The following PAQR3 variants were observed in gnomAD, a reference collection of about 807,000 sequenced individuals.
The protein encoded by PAQR3 is progestin and adipoQ receptor family member 3.
In PAQR3, 39 loss-of-function variants were observed where a neutral mutation model predicts 41.7. That is an observed-to-expected ratio of 0.93 (90% CI 0.72 to 1.22). PAQR3 has a LOEUF of 1.22. PAQR3 is among the 50% of genes most tolerant of loss of function. The pLI, the probability that PAQR3 is intolerant of heterozygous loss-of-function variation, is 0.00. For missense variants in PAQR3, 366 were observed against 385.6 expected (o/e 0.95, Z 0.42); for synonymous variants, 140 against 140.6 (o/e 1.00, Z 0.03).
chr4:78,887,214 C>T lies in PAQR3; in HGVS notation c.*1020G>A, dbSNP rs749783050. The T allele has an allele frequency of 1.1e-5, 17 of 1,611,648 alleles. No homozygotes were observed. In the African/African-American group the frequency reaches 2.0e-4, roughly 19 times the overall value. Reference sequence around the variant, plus strand: ...GAGCATCCTCAGATAAGAATGTAGACTCACTTTCTGCTCCACATAACCATC... The same window carrying T: ...GAGCATCCTCAGATAAGAATGTAGATTCACTTTCTGCTCCACATAACCATC... On this transcript the variant is annotated 3_prime_UTR_variant and NMD_transcript_variant, in exon 13 of 13. Transcript: ENST00000342820.
At chr4:78,921,760 A>G in intron 5 of PAQR3, 1 of 984,252 alleles carries the variant, frequency 1.0e-6, no homozygotes, top group Non-Finnish European at 1.2e-6. Context: ...GTCATACATG[A>G]GGACTTGCCA....
Position 78,923,880 on chromosome 4 carries a change from T to A in PAQR3, c.770A>T (p.Lys257Ile). The A allele has an allele frequency of 6.2e-7, 1 of 1,612,876 alleles. No homozygotes were observed. The highest frequency in any genetic ancestry group is 1.1e-5 in the South Asian group (1 of 91,056). Reference sequence around the variant, plus strand: ...ACCTGGAAAGTACCGCTCTGGGACTTTGGAAATGTAGAATAGGAAAGCAAG... The same window carrying A: ...ACCTGGAAAGTACCGCTCTGGGACTATGGAAATGTAGAATAGGAAAGCAAG... Reference protein sequence around the residue: ...ALLAFLFYISKVPERYFPGQL... With the variant: ...ALLAFLFYISIVPERYFPGQL... The change falls in exon 5 of 6, where the codon AAA (lysine) becomes ATA (isoleucine). Residue 257 changes from lysine to isoleucine, a missense_variant. Lys to Ile is a moderately radical substitution (Grantham distance 102). Transcript: ENST00000512733.
chr4:78,909,087 T>G (rs146508600), downstream of PAQR3, among the ~76,000 whole-genome samples: 1,556 of 142,786 alleles, frequency 0.011, 13 homozygotes, highest in Non-Finnish European at 0.018. Flanking sequence ...TTTGAGACAG[T>G]TCGCTCTTTG....
At chr4:78,929,611 C>T (rs572776575) in intron 3 of PAQR3, among the ~76,000 whole-genome samples, 3 of 152,334 alleles carry the variant, frequency 2.0e-5, no homozygotes, top group African/African-American at 7.2e-5. Flanking sequence ...AGAAAAGACA[C>T]ATCTCACATT....
In PAQR3 at chr4:78,915,742, G is replaced by A. The variant is rs141963394; in HGVS notation, c.*4797C>T. 77 of 152,030 alleles carry A rather than the reference G, an allele frequency of 5.1e-4. No homozygotes were observed. The highest frequency in any genetic ancestry group is 1.8e-3 in the African/African-American group (76 of 41,514). The allele number at this position is 152,030 out of a possible 1,614,324, so 9.4% of individuals were successfully genotyped here. A position where few individuals can be genotyped will look rare whatever the true frequency, so the allele number is the denominator to read the frequency against. On this transcript the variant is annotated 3_prime_UTR_variant, in exon 6 of 6. Transcript: ENST00000512733. The stretch of plus-strand genomic sequence containing the variant: ...AAGAGAACATTCACTCCTAGTGAGG[G>A]TTTACAAAAGCTACTAAGAGAATAA...
Position 78,939,269 on chromosome 4 carries a change from T to A in PAQR3, c.-45A>T. ...TCCCCGGCTCGGGAGCTCCCCCAGGTCCCGCCTCCCCGGGGAGGGGGCTTC... is the reference window on the plus strand; with the variant it reads ...TCCCCGGCTCGGGAGCTCCCCCAGGACCCGCCTCCCCGGGGAGGGGGCTTC... On this transcript the variant is annotated 5_prime_UTR_variant, in exon 1 of 6. Coordinates refer to ENST00000512733, the MANE Select transcript of PAQR3 (RefSeq NM_001040202.2). 1 of 1,543,008 alleles carries A rather than the reference T, an allele frequency of 6.5e-7. No individual in the cohort carries two copies. Among genetic ancestry groups the A allele is most frequent in the African/African-American group, 1.4e-5 (1 of 70,062 alleles).
chr4:78,910,073 G>A (rs982225329), downstream of PAQR3, among the ~76,000 whole-genome samples: 7 of 152,128 alleles, frequency 4.6e-5, no homozygotes, highest in African/African-American at 1.7e-4. Context: ...CCTTAGCTTT[G>A]GTGAGGCCAT....
chr4:78,900,825 TTGTATCAATAATC>T (rs1733960446), intron 11 of PAQR3, among the ~76,000 whole-genome samples: 1 of 152,234 alleles, frequency 6.6e-6, no homozygotes, highest in South Asian at 2.1e-4. Context: ...AATCAAATAA[TTGTATCAATAATC>T]TGTTTGCTAT....
At chr4:78,927,876 G>A in intron 3 of PAQR3, among the ~76,000 whole-genome samples, 1 of 152,210 alleles carries the variant, frequency 6.6e-6, no homozygotes, top group African/African-American at 2.4e-5. Flanking sequence ...TTTAGGGTGT[G>A]CGCAAAAGTG....
intron 11 of PAQR3, among the ~76,000 whole-genome samples, chr4:78,895,300 A>G (rs1353935754): frequency 6.6e-6 from 1 of 152,200 alleles, no homozygotes; most frequent in Non-Finnish European, 1.5e-5. Context: ...ATTTAATTTT[A>G]CACTGATCTT....
In PAQR3 at chr4:78,916,081, T is replaced by C. The variant is rs1735033844; in HGVS notation, c.*4458A>G. 6.6e-6 allele frequency: 1 copy of C among 151,922 alleles called. No individual in the cohort carries two copies. Among genetic ancestry groups the C allele is most frequent in the Non-Finnish European group, 1.5e-5 (1 of 67,860 alleles). The allele number at this position is 151,922 out of a possible 1,614,324, so 9.4% of individuals were successfully genotyped here. The stretch of plus-strand genomic sequence containing the variant: ...TTGTATTTCTACTTGTTACAAAACA[T>C]ACTTGCTAAAGTAACTTCAGTCCTC... On this transcript the variant is annotated 3_prime_UTR_variant, in exon 6 of 6. Transcript: ENST00000512733.
Position 78,919,595 on chromosome 4 carries a change from T to C in PAQR3, c.*944A>G, listed in dbSNP as rs1411063995. On this transcript the variant is annotated 3_prime_UTR_variant, in exon 6 of 6. Coordinates refer to ENST00000512733, the MANE Select transcript of PAQR3 (RefSeq NM_001040202.2). ...ACTTTGTTCTAAGGCTTAAGGTTCA[T>C]TTCAGGGTCAAGACAGGGCCATCTA... 2.0e-6 allele frequency: 2 copies of C among 984,976 alleles called. No homozygotes were observed. The highest frequency in any genetic ancestry group is 1.7e-5 in the African/African-American group (1 of 57,172). The allele number at this position is 984,976 out of a possible 1,614,324, so 61.0% of individuals were successfully genotyped here.
intron 11 of PAQR3, among the ~76,000 whole-genome samples, chr4:78,897,931 G>A (rs552346168): frequency 1.3e-5 from 2 of 152,318 alleles, no homozygotes; most frequent in African/African-American, 4.8e-5. Context: ...AGATGCAAAT[G>A]CTACAATAGA....
At chr4:78,911,526 T>C, downstream of PAQR3, 2 of 1,613,954 alleles carry the variant, frequency 1.2e-6, no homozygotes, top group East Asian at 2.2e-5. Context: ...CCAAAAGTAA[T>C]GGGAAGCGGC....
At chr4:78,908,414 C>T (rs114867095), downstream of PAQR3, among the ~76,000 whole-genome samples, 316 of 152,290 alleles carry the variant, frequency 2.1e-3, no homozygotes, top group African/African-American at 7.1e-3. Context: ...TTTTCTTCCT[C>T]CTCTCTGGCT....
At chr4:78,937,028 A>G (rs781749489) in intron 1 of PAQR3, among the ~76,000 whole-genome samples, 12 of 152,234 alleles carry the variant, frequency 7.9e-5, no homozygotes, top group Non-Finnish European at 1.2e-4. Context: ...TCTCCTGCAC[A>G]GTAGACACAC....
intron 11 of PAQR3, among the ~76,000 whole-genome samples, chr4:78,892,794 A>T (rs946490145): frequency 1.3e-5 from 2 of 152,148 alleles, no homozygotes; most frequent in Admixed American, 1.3e-4. Flanking sequence ...TATTATGTCT[A>T]AAAAAATGTA....
At chr4:78,896,001 A>G (rs769648788) in intron 11 of PAQR3, among the ~76,000 whole-genome samples, 2 of 152,130 alleles carry the variant, frequency 1.3e-5, no homozygotes, top group Non-Finnish European at 2.9e-5. Flanking sequence ...GGTTCAAGCA[A>G]TCCTGCCTTG....
chr4:78,937,199 T>A (rs182041479), intron 1 of PAQR3, among the ~76,000 whole-genome samples: 2 of 152,178 alleles, frequency 1.3e-5, no homozygotes, highest in African/African-American at 4.8e-5. Flanking sequence ...TGACTGTACA[T>A]GGGATGGAGG....
Sources: allele counts gnomAD v4.1 joint callset (sites outside exome capture counted in the v4.1 genomes callset), GRCh38; gene constraint gnomAD v4.1.1; transcripts MANE v1.5; gene names NCBI Gene and HGNC (gene_info 2026-07-23, HGNC 2026-07-21).